DNM3: variants seen among roughly 807,000 people sequenced by gnomAD.
DNM3 encodes the protein dynamin 3.
Under a neutral mutation model 101.6 loss-of-function variants are expected in DNM3, and 47 were observed. The observed-to-expected ratio is 0.46, with a 90% CI of 0.37 to 0.59. DNM3 has a LOEUF of 0.59. DNM3 is among the 20% of genes least tolerant of loss of function. The probability of loss-of-function intolerance (pLI) is 0.00; values close to 1 mark genes in which losing one functional copy is unlikely to be tolerated. For synonymous variants in DNM3, 385 were observed against 387.9 expected, an observed-to-expected ratio of 0.99 and a Z score of 0.09; for missense variants, 849 against 1,085.7, an observed-to-expected ratio of 0.78 and a Z score of 3.06.
intron 14 of DNM3, among the ~76,000 whole-genome samples, chr1:172,207,454 T>A (rs1054800710): frequency 3.9e-5 from 6 of 152,164 alleles, no homozygotes; most frequent in Non-Finnish European, 7.4e-5. Context: ...TTTAAAGTTT[T>A]ATTTCTTATT....
chr1:172,063,176 G>T (rs558274333), intron 10 of DNM3, among the ~76,000 whole-genome samples: 1 of 152,028 alleles, frequency 6.6e-6, no homozygotes, highest in Non-Finnish European at 1.5e-5. Flanking sequence ...TTTCTTAGAC[G>T]GTTACCTAAT....
chr1:172,092,416 C>T (rs1416771081), intron 12 of DNM3, among the ~76,000 whole-genome samples: 3 of 152,132 alleles, frequency 2.0e-5, no homozygotes, highest in East Asian at 1.9e-4. Flanking sequence ...GAAGAATAAT[C>T]GTAACTGCTT....
chr1:171,854,743 A>ATTT, intron 1 of DNM3, among the ~76,000 whole-genome samples: 1 of 145,198 alleles, frequency 6.9e-6, no homozygotes, highest in Non-Finnish European at 1.5e-5. Flanking sequence ...TGCCAGGCTA[A>ATTT]TTTTTTTTTT....
At chr1:171,971,085 T>C (rs924662843) in intron 2 of DNM3, among the ~76,000 whole-genome samples, 2 of 152,108 alleles carry the variant, frequency 1.3e-5, no homozygotes, top group African/African-American at 4.8e-5. Flanking sequence ...ATGCATTCTA[T>C]CTCTTACACT....
At chr1:171,846,746 C>T (rs1168745243) in intron 1 of DNM3, among the ~76,000 whole-genome samples, 1 of 152,080 alleles carries the variant, frequency 6.6e-6, no homozygotes, top group Non-Finnish European at 1.5e-5. Flanking sequence ...TATCCTAGTC[C>T]AAGTTTGCAT....
At chr1:172,031,565 A>C (rs144968257) in intron 4 of DNM3, among the ~76,000 whole-genome samples, 51 of 152,280 alleles carry the variant, frequency 3.3e-4, no homozygotes, top group Non-Finnish European at 5.3e-4. Flanking sequence ...ACTTAAAGTA[A>C]AATAAAACAT....
Position 172,072,200 on chromosome 1 carries a change from C to T in DNM3, c.1422+3295C>T, listed in dbSNP as rs182099439. The stretch of plus-strand genomic sequence containing the variant: ...AATGGATTTGGAGTATACAATTTAA[C>T]TGAATCTGGCTTTATTGTTGGGAGA... On this transcript the variant is annotated intron_variant, in intron 11 of 20. Coordinates refer to ENST00000627582, the MANE Select transcript of DNM3 (RefSeq NM_015569.5). Among the ~76,000 whole-genome samples, 8 of 152,272 alleles carry T rather than the reference C, an allele frequency of 5.3e-5. No individual in the cohort carries two copies. The East Asian group carries it at 7.7e-4, about 15-fold the overall frequency.
intron 2 of DNM3, among the ~76,000 whole-genome samples, chr1:171,943,478 G>A (rs1347374769): frequency 6.6e-6 from 1 of 152,144 alleles, no homozygotes; most frequent in Non-Finnish European, 1.5e-5. Flanking sequence ...CTACCTGGAG[G>A]CTTCATCTAC....
intron 17 of DNM3, among the ~76,000 whole-genome samples, chr1:172,328,202 C>A (rs2066019557): frequency 6.6e-6 from 1 of 152,060 alleles, no homozygotes; most frequent in Admixed American, 6.6e-5. Flanking sequence ...AATGAAGTGA[C>A]CTCTCTAGTT....
At chr1:172,303,099 G>C in intron 15 of DNM3, among the ~76,000 whole-genome samples, 1 of 152,114 alleles carries the variant, frequency 6.6e-6, no homozygotes, top group South Asian at 2.1e-4. Flanking sequence ...AAAGGAGCAT[G>C]TTCTAACCCA....
chr1:172,074,193 T>C (rs995451884), intron 11 of DNM3, among the ~76,000 whole-genome samples: 1 of 152,090 alleles, frequency 6.6e-6, no homozygotes, highest in African/African-American at 2.4e-5. Flanking sequence ...GTGTTAGTGC[T>C]ACAAAAGAAA....
intron 14 of DNM3, among the ~76,000 whole-genome samples, chr1:172,197,360 CT>C (rs2059992082): frequency 6.6e-6 from 1 of 152,024 alleles, no homozygotes; most frequent in Non-Finnish European, 1.5e-5. Context: ...CAGCTTTGTT[CT>C]TTTTGCTTAG....
chr1:172,418,399 T>C, exon 21 of DNM3: 1 of 1,144,840 alleles, frequency 8.7e-7, no homozygotes. Context: ...CTATATGTCG[T>C]ATGTACATAA....
At chr1:171,965,283 C>G (rs2043491817) in intron 2 of DNM3, among the ~76,000 whole-genome samples, 1 of 151,628 alleles carries the variant, frequency 6.6e-6, no homozygotes, top group African/African-American at 2.4e-5. Context: ...TAGCTCATGT[C>G]TGTAATTCCA....
Position 172,391,662 on chromosome 1 carries a change from TATCCATC to T in DNM3, c.2522+2857_2522+2863del, listed in dbSNP as rs920779895. Among the ~76,000 whole-genome samples the T allele has an allele frequency of 5.4e-4, 83 of 152,326 alleles. 1 individual carries two copies. Among genetic ancestry groups the T allele is most frequent in the Non-Finnish European group, 6.5e-4 (44 of 68,020 alleles). On this transcript the variant is annotated intron_variant, in intron 20 of 20. Coordinates refer to ENST00000627582, the MANE Select transcript of DNM3 (RefSeq NM_015569.5). ...AAAACTTAGAAAGTTGAAATGCCAT[TATCCATC>T]ATCTCTGGGAAAACAACCCTTTGTT...
At chr1:171,971,412 G>A (rs2043984967) in intron 2 of DNM3, among the ~76,000 whole-genome samples, 1 of 151,984 alleles carries the variant, frequency 6.6e-6, no homozygotes, top group African/African-American at 2.4e-5. Context: ...TATTCATTAA[G>A]CTGCTTATCT....
At chr1:171,972,848 T>C (rs981670426) in intron 2 of DNM3, among the ~76,000 whole-genome samples, 2 of 62,664 alleles carry the variant, frequency 3.2e-5, no homozygotes, top group Non-Finnish European at 6.8e-5. Flanking sequence ...AAACTCCATC[T>C]CAAAAACAAA....
At chr1:171,842,029 C>T (rs1571200144) in intron 1 of DNM3, among the ~76,000 whole-genome samples, 1 of 152,262 alleles carries the variant, frequency 6.6e-6, no homozygotes. Flanking sequence ...TGCCACCCCC[C>T]GCCTGGTGGC....
intron 2 of DNM3, among the ~76,000 whole-genome samples, chr1:171,951,504 G>A (rs2042523608): frequency 6.6e-6 from 1 of 152,012 alleles, no homozygotes; most frequent in Non-Finnish European, 1.5e-5. Flanking sequence ...TAAAGTTTAG[G>A]GGTTTATCTA....
Sources: gnomAD v4.1 joint callset for allele counts (sites outside exome capture counted in the v4.1 genomes callset) on GRCh38, gnomAD v4.1.1 for gene constraint, MANE v1.5 for transcripts, NCBI Gene and HGNC (gene_info 2026-07-23, HGNC 2026-07-21) for gene names.